The following WNK1 variants were observed in gnomAD, a reference collection of about 807,000 sequenced individuals.
The protein encoded by WNK1 is serine/threonine-protein kinase WNK1.
In WNK1, 38 loss-of-function variants were observed where a neutral mutation model predicts 222.8. That is an observed-to-expected ratio of 0.17 (90% CI 0.13 to 0.22). WNK1 has a LOEUF of 0.22. Ranked by LOEUF, WNK1 falls within the 10% of genes least tolerant of loss-of-function variation. The pLI is 1.00. For synonymous variants in WNK1, 1,090 were observed against 1,092.9 expected (o/e 1.00, Z 0.05); for missense variants, 2,348 against 2,918.4 (o/e 0.80, Z 4.50).
chr12:797,191 C>T (rs1302317809), intron 1 of WNK1, among the ~76,000 whole-genome samples: 1 of 151,962 alleles, frequency 6.6e-6, no homozygotes, highest in African/African-American at 2.4e-5. Context: ...TCTTTTTTGT[C>T]TCCTTGTTGT....
chr12:829,455 A>G (rs540977781), intron 3 of WNK1, among the ~76,000 whole-genome samples: 1 of 152,300 alleles, frequency 6.6e-6, no homozygotes, highest in African/African-American at 2.4e-5. Context: ...TGTATTGAAT[A>G]TCGGGTTTTT....
At chr12:821,408 T>A (rs1177865264) in intron 2 of WNK1, among the ~76,000 whole-genome samples, 1 of 152,244 alleles carries the variant, frequency 6.6e-6, no homozygotes, top group African/African-American at 2.4e-5. Flanking sequence ...TTAATTCTCC[T>A]GTAAATGTTT....
intron 1 of WNK1, among the ~76,000 whole-genome samples, chr12:793,264 A>G (rs1326670565): frequency 6.6e-6 from 1 of 152,220 alleles, no homozygotes; most frequent in Non-Finnish European, 1.5e-5. Flanking sequence ...AATCATTGAG[A>G]TACCAAATTC....
At chr12:790,489 G>T (rs769999358) in intron 1 of WNK1, among the ~76,000 whole-genome samples, 1 of 152,140 alleles carries the variant, frequency 6.6e-6, no homozygotes, top group Non-Finnish European at 1.5e-5. Flanking sequence ...CTGAGCCCTT[G>T]GTTGTCTATG....
intron 9 of WNK1, among the ~76,000 whole-genome samples, chr12:874,362 T>G (rs1377462351): frequency 7.4e-6 from 1 of 134,930 alleles, no homozygotes; most frequent in Non-Finnish European, 1.7e-5. Flanking sequence ...GAGGTGACAC[T>G]TCTCCCCAGA....
chr12:860,607 T>G (rs1565533355), intron 6 of WNK1, among the ~76,000 whole-genome samples: 1 of 152,202 alleles, frequency 6.6e-6, no homozygotes. Flanking sequence ...TTTTAGCAGA[T>G]TAAGTAGTTG....
intron 1 of WNK1, among the ~76,000 whole-genome samples, chr12:766,620 A>T (rs11064521): frequency 0.11 from 16,941 of 151,294 alleles, 1,212 homozygotes; most frequent in Middle Eastern, 0.16. Flanking sequence ...CTGGGACTAC[A>T]GGCGCGCACC....
In WNK1 at chr12:818,922, A is replaced by G. The variant is rs116361359; in HGVS notation, c.932+5108A>G. The stretch of plus-strand genomic sequence containing the variant: ...TTTGGCTATTATGAGTACTGCTGCT[A>G]TGAATATTTGTGCAGAAGTATTTTT... On this transcript the variant is annotated intron_variant, in intron 2 of 27. Transcript: ENST00000315939. Among the ~76,000 whole-genome samples, 422 of 152,346 alleles carry G rather than the reference A, an allele frequency of 2.8e-3. 2 individuals are homozygous for G. Among genetic ancestry groups the G allele is most frequent in the African/African-American group, 9.5e-3 (393 of 41,576 alleles).
In WNK1 at chr12:885,144, T is replaced by C. The variant is rs763409077; in HGVS notation, c.4340T>C (p.Leu1447Pro). 2 of 1,614,222 alleles carry C rather than the reference T, an allele frequency of 1.2e-6. No individual in the cohort carries two copies. Among genetic ancestry groups the C allele is most frequent in the Non-Finnish European group, 1.7e-6 (2 of 1,180,030 alleles). Residue 1447 changes from leucine to proline, a missense_variant, in exon 19 of 28, where the codon CTG (leucine) becomes CCG (proline). Physicochemically the swap from Leu to Pro is moderately conservative, Grantham distance 98. This residue lies in a region of WNK1 where 1,144 missense variants were observed against 1,273.6 expected (regional missense o/e 0.90). Coordinates refer to ENST00000315939, the MANE Select transcript of WNK1 (RefSeq NM_018979.4). Reference sequence around the variant, plus strand: ...GAGATCGTTGTTTCTAGTACAGCACTGTATCCTTCAGTAACAGTTTCAGCA... The same window carrying C: ...GAGATCGTTGTTTCTAGTACAGCACCGTATCCTTCAGTAACAGTTTCAGCA... ...TSEIVVSSTALYPSVTVSATS... is the reference protein window; with the variant it reads ...TSEIVVSSTAPYPSVTVSATS...
At chr12:769,972 GTTTC>G (rs1565402797) in intron 1 of WNK1, among the ~76,000 whole-genome samples, 1 of 150,744 alleles carries the variant, frequency 6.6e-6, no homozygotes, top group African/African-American at 2.4e-5. Context: ...CATTGCATAA[GTTTC>G]TTTTTTTTTT....
At chr12:869,797 T>A (rs1245110625) in intron 8 of WNK1, among the ~76,000 whole-genome samples, 1 of 151,836 alleles carries the variant, frequency 6.6e-6, no homozygotes, top group Non-Finnish European at 1.5e-5. Flanking sequence ...CAACTAACAA[T>A]CTAGTGAGTG....
Position 753,323 on chromosome 12 carries a change from T to C in WNK1, c.-243T>C. The C allele has an allele frequency of 1.8e-6, 1 of 564,290 alleles. No homozygotes were observed. The highest frequency in any genetic ancestry group is 3.1e-5 in the East Asian group (1 of 31,906). 35.0% of individuals were successfully genotyped at this position (564,290 alleles called of 1,614,324 possible). On this transcript the variant is annotated 5_prime_UTR_variant, in exon 1 of 28. Transcript: ENST00000315939. The surrounding 1 kb of genome is among the most constrained non-coding windows in gnomAD (Gnocchi z 5.2). Reference sequence around the variant, plus strand: ...TAACCCCCGTGGCTCAGCTCCCGAATCGCCCGCCTTCGAGCCCTCCTCGTG... The same window carrying C: ...TAACCCCCGTGGCTCAGCTCCCGAACCGCCCGCCTTCGAGCCCTCCTCGTG...
intron 6 of WNK1, among the ~76,000 whole-genome samples, chr12:860,744 C>CGTT (rs1242964740): frequency 6.6e-6 from 1 of 152,110 alleles, no homozygotes; most frequent in African/African-American, 2.4e-5. Flanking sequence ...CCTATTGTTT[C>CGTT]GTTGTTTGTT....
chr12:894,496 C>A, intron 22 of WNK1, 66 bp from the exon 23 acceptor site: 1 of 1,388,072 alleles, frequency 7.2e-7, no homozygotes, highest in East Asian at 2.3e-5. Context: ...GTATTTCTAG[C>A]TAAAGGGAAA....
At chr12:815,254 G>A (rs539270351) in intron 2 of WNK1, among the ~76,000 whole-genome samples, 1 of 152,236 alleles carries the variant, frequency 6.6e-6, no homozygotes, top group South Asian at 2.1e-4. Context: ...AAGTTACCTT[G>A]TATAAATTTT....
rs1591648335 is a variant in WNK1 at position 777,145 on chromosome 12, A to T, written c.759+22821A>T. Among the ~76,000 whole-genome samples, 3 of 146,746 alleles carry T rather than the reference A, an allele frequency of 2.0e-5. No homozygotes were observed. The South Asian group carries it at 6.4e-4, about 31-fold the overall frequency. On this transcript the variant is annotated intron_variant, in intron 1 of 27. Coordinates refer to ENST00000315939, the MANE Select transcript of WNK1 (RefSeq NM_018979.4). ...AGCATCTGTGCTTTTTTTCATTTGG[A>T]GGGATTTTTTTTGTTTTTTTTTTTG...
chr12:896,220 C>T lies in WNK1; in HGVS notation c.5733C>T (p.Gly1911=). ...CCTTGGTGAAACCAGAGCCGAATGGCATAACCATCCCTGGTATCTCTTCAG... is the reference window on the plus strand; with the variant it reads ...CCTTGGTGAAACCAGAGCCGAATGGTATAACCATCCCTGGTATCTCTTCAG... ...ESTLVKPEPN[G]ITIPGISSDV... Residue 1911 remains glycine, a synonymous_variant, in exon 24 of 28, where the codon GGC becomes GGT. Transcript: ENST00000315939. 4 of 1,614,192 alleles carry T rather than the reference C, an allele frequency of 2.5e-6. No homozygotes were observed. Among genetic ancestry groups the T allele is most frequent in the Non-Finnish European group, 3.4e-6 (4 of 1,180,036 alleles).
At chr12:851,548 T>C (rs1381500780) in intron 4 of WNK1, 4 of 1,174,866 alleles carry the variant, frequency 3.4e-6, no homozygotes, top group Non-Finnish European at 3.2e-6. Flanking sequence ...TGTCTGAGAG[T>C]TGGGGAAGCA....
Position 827,350 on chromosome 12 carries a change from A to G in WNK1, c.1153+88A>G. Reference sequence around the variant, plus strand: ...TGGCTCTGTCAGAGTTTTAAGTGATATAAACCTTAAGAAATTCATAGCTTG... The same window carrying G: ...TGGCTCTGTCAGAGTTTTAAGTGATGTAAACCTTAAGAAATTCATAGCTTG... On this transcript the variant is annotated intron_variant, in intron 3 of 27. Coordinates refer to ENST00000315939, the MANE Select transcript of WNK1 (RefSeq NM_018979.4). The surrounding 1 kb of genome is among the most constrained non-coding windows in gnomAD (Gnocchi z 4.6). 2 of 1,186,454 alleles carry G rather than the reference A, an allele frequency of 1.7e-6. No homozygotes were observed. The highest frequency in any genetic ancestry group is 2.5e-6 in the Non-Finnish European group (2 of 795,356). The allele number at this position is 1,186,454 out of a possible 1,614,324, so 73.5% of individuals were successfully genotyped here. A position where few individuals can be genotyped will look rare whatever the true frequency, so the allele number is the denominator to read the frequency against.
Sources: allele counts gnomAD v4.1 joint callset (sites outside exome capture counted in the v4.1 genomes callset), GRCh38; gene constraint gnomAD v4.1.1; regional missense constraint gnomAD v4.1.1; non-coding constraint Gnocchi (gnomAD v3.1); transcripts MANE v1.5; gene names NCBI Gene and HGNC (gene_info 2026-07-23, HGNC 2026-07-21).